The following PDE3A variants were observed in gnomAD, a reference collection of about 807,000 sequenced individuals.
PDE3A encodes the protein phosphodiesterase 3A.
In PDE3A, 43 loss-of-function variants were observed where a neutral mutation model predicts 98.3. The ratio of observed to expected loss-of-function variants is 0.44; its 90% CI spans 0.34 to 0.56. The LOEUF is 0.56. PDE3A is among the 20% of genes least tolerant of loss of function. The pLI, the probability that PDE3A is intolerant of heterozygous loss-of-function variation, is 0.01. For synonymous variants in PDE3A, 663 were observed against 567.9 expected (o/e 1.17, Z -2.38); for missense variants, 1,427 against 1,440.7 (o/e 0.99, Z 0.15).
chr12:20,601,395 A>G (rs1205887681), intron 2 of PDE3A, among the ~76,000 whole-genome samples: 3 of 152,152 alleles, frequency 2.0e-5, no homozygotes, highest in African/African-American at 4.8e-5. Flanking sequence ...AGAAGAGGCA[A>G]GTCAGTAGCC....
At chr12:20,643,095 G>A (rs1944682620) in intron 10 of PDE3A, among the ~76,000 whole-genome samples, 3 of 152,144 alleles carry the variant, frequency 2.0e-5, no homozygotes, top group Non-Finnish European at 4.4e-5. Flanking sequence ...GGTGTACCAT[G>A]TGCTAGTGTA....
At chr12:20,594,092 G>A (rs994037834) in intron 2 of PDE3A, among the ~76,000 whole-genome samples, 1 of 152,104 alleles carries the variant, frequency 6.6e-6, no homozygotes. Context: ...GAATTAGTGA[G>A]AGCAGAACTC....
intron 2 of PDE3A, among the ~76,000 whole-genome samples, chr12:20,588,233 C>T (rs888885549): frequency 1.3e-5 from 2 of 152,182 alleles, no homozygotes; most frequent in African/African-American, 4.8e-5. Flanking sequence ...ACAGCTGTCA[C>T]ATGGGGTTTC....
In PDE3A at chr12:20,502,312, C is replaced by T. The variant is rs376252923; in HGVS notation, c.961-54348C>T. 8.5e-5 allele frequency among the ~76,000 whole-genome samples: 13 copies of T among 152,216 alleles called. No individual in the cohort carries two copies. The East Asian group carries it at 1.2e-3, about 14-fold the overall frequency. Reference sequence around the variant, plus strand: ...TCACTTAAGGTATGAGTCTCACAATCATACAGAAAAGTATATTTAGTCAAA... The same window carrying T: ...TCACTTAAGGTATGAGTCTCACAATTATACAGAAAAGTATATTTAGTCAAA... On this transcript the variant is annotated intron_variant, in intron 1 of 15. Coordinates refer to ENST00000359062, the MANE Select transcript of PDE3A (RefSeq NM_000921.5).
At chr12:20,449,952 CT>C in intron 1 of PDE3A, 2 of 776,768 alleles carry the variant, frequency 2.6e-6, no homozygotes, top group South Asian at 2.0e-5. Context: ...TGAAGGCCCC[CT>C]TATATGGAGG....
chr12:20,525,054 C>T (rs112606356), intron 1 of PDE3A, among the ~76,000 whole-genome samples: 5,139 of 152,186 alleles, frequency 0.034, 302 homozygotes, highest in African/African-American at 0.12. Flanking sequence ...ATCGCTTGAA[C>T]CCAGGAGGCG....
rs926039569 is a variant in PDE3A at position 20,681,122 on chromosome 12, G to A, written c.*851G>A. The A allele has an allele frequency of 1.3e-5, 2 of 152,068 alleles. No homozygotes were observed. Among genetic ancestry groups the A allele is most frequent in the African/African-American group, 4.8e-5 (2 of 41,394 alleles). The allele number at this position is 152,068 out of a possible 1,614,324, so 9.4% of individuals were successfully genotyped here. On this transcript the variant is annotated 3_prime_UTR_variant, in exon 16 of 16. Transcript: ENST00000359062. The stretch of plus-strand genomic sequence containing the variant: ...CAAGGGCTGGGTGAGAGGGCCACGT[G>A]TTTGGTATTACATTACTGCTATGCA...
intron 1 of PDE3A, among the ~76,000 whole-genome samples, chr12:20,523,403 C>G (rs561580176): frequency 6.6e-6 from 1 of 152,334 alleles, no homozygotes; most frequent in African/African-American, 2.4e-5. Context: ...GAGGAGCACT[C>G]TCCTTTTCCT....
intron 1 of PDE3A, among the ~76,000 whole-genome samples, chr12:20,470,360 T>C (rs1945416084): frequency 6.6e-6 from 1 of 151,872 alleles, no homozygotes; most frequent in Non-Finnish European, 1.5e-5. Flanking sequence ...CTGAGTTCAG[T>C]GGGAAAGAGG....
At chr12:20,618,624 G>C (rs1944064324) in intron 4 of PDE3A, among the ~76,000 whole-genome samples, 1 of 152,036 alleles carries the variant, frequency 6.6e-6, no homozygotes, top group Non-Finnish European at 1.5e-5. Flanking sequence ...TCATTAGCCT[G>C]CCAGAATCTC....
At position 20,586,192 on chromosome 12, in the gene PDE3A, G is replaced by A. The variant is rs114691730; in HGVS notation, c.1012-27251G>A. ...CAATCTGTTAAGAAGAAACCACAAA[G>A]ATTTCCTAGGAAGAGAGAATGGCAT... is the stretch of plus-strand genomic sequence containing the variant. On this transcript the variant is annotated intron_variant, in intron 2 of 15. Coordinates refer to ENST00000359062, the MANE Select transcript of PDE3A (RefSeq NM_000921.5). Among the ~76,000 whole-genome samples the A allele has an allele frequency of 4.9e-3, 739 of 152,252 alleles. 4 individuals are homozygous for A. The highest frequency in any genetic ancestry group is 0.017 in the African/African-American group (721 of 41,536).
chr12:20,553,772 T>A (rs1592051273), intron 1 of PDE3A, among the ~76,000 whole-genome samples: 1 of 152,318 alleles, frequency 6.6e-6, no homozygotes, highest in East Asian at 1.9e-4. Flanking sequence ...GCACATGAAG[T>A]CACGTGCAAG....
intron 15 of PDE3A, among the ~76,000 whole-genome samples, chr12:20,662,591 G>A (rs765422094): frequency 6.6e-6 from 1 of 152,166 alleles, no homozygotes; most frequent in Non-Finnish European, 1.5e-5. Context: ...GTGAAACTTT[G>A]AACTTGAGGG....
At chr12:20,484,668 G>T (rs1018488477) in intron 1 of PDE3A, among the ~76,000 whole-genome samples, 1 of 151,834 alleles carries the variant, frequency 6.6e-6, no homozygotes, top group Non-Finnish European at 1.5e-5. Context: ...TCTTTATTAC[G>T]TTAGCTCATT....
Position 20,683,013 on chromosome 12 carries a change from T to A in PDE3A, c.*2742T>A, listed in dbSNP as rs1317331456. 6.6e-6 allele frequency: 1 copy of A among 152,178 alleles called. No individual in the cohort carries two copies. The highest frequency in any genetic ancestry group is 1.5e-5 in the Non-Finnish European group (1 of 68,030). The allele number at this position is 152,178 out of a possible 1,614,324, so 9.4% of individuals were successfully genotyped here. A position where few individuals can be genotyped will look rare whatever the true frequency, so the allele number is the denominator to read the frequency against. On this transcript the variant is annotated 3_prime_UTR_variant, in exon 16 of 16. Transcript: ENST00000359062. ...TTGTTTTGTTTTAAGGTACAGGAAA[T>A]AAGAGGAATAATAGTGGCCAAAGCA...
At chr12:20,386,271 T>TTATATTATAG (rs1943801667) in intron 1 of PDE3A, among the ~76,000 whole-genome samples, 1 of 133,394 alleles carries the variant, frequency 7.5e-6, no homozygotes, top group Non-Finnish European at 1.5e-5. Flanking sequence ...ATATATTATA[T>TTATATTATAG]TATATTATAG....
intron 2 of PDE3A, among the ~76,000 whole-genome samples, chr12:20,581,312 A>AGATT (rs1943057863): frequency 6.6e-6 from 1 of 152,166 alleles, no homozygotes; most frequent in South Asian, 2.1e-4. Flanking sequence ...GCAAAATAAT[A>AGATT]GATTTTGGTT....
intron 1 of PDE3A, among the ~76,000 whole-genome samples, chr12:20,422,117 T>A (rs11513377): frequency 1.3e-5 from 2 of 152,124 alleles, no homozygotes; most frequent in South Asian, 2.1e-4. Flanking sequence ...GAGGCCGAGG[T>A]GGGCGGATCA....
intron 2 of PDE3A, among the ~76,000 whole-genome samples, chr12:20,589,114 TG>T (rs1426607396): frequency 6.6e-6 from 1 of 151,934 alleles, no homozygotes; most frequent in Non-Finnish European, 1.5e-5. Context: ...TTAGTAGAGA[TG>T]GGGTTTCACC....
Sources: gnomAD v4.1 joint callset for allele counts (sites outside exome capture counted in the v4.1 genomes callset) on GRCh38, gnomAD v4.1.1 for gene constraint, MANE v1.5 for transcripts, NCBI Gene and HGNC (gene_info 2026-07-23, HGNC 2026-07-21) for gene names.